PLPP4: variants seen among roughly 807,000 people sequenced by gnomAD.
The protein encoded by PLPP4 is diacylglycerol pyrophosphate like 2.
A neutral mutation model predicts 32.2 loss-of-function variants in PLPP4; 20 were observed. The ratio of observed to expected loss-of-function variants is 0.62; its 90% CI spans 0.44 to 0.90. The LOEUF (loss-of-function observed/expected upper bound fraction) is 0.90. PLPP4 is among the 40% of genes least tolerant of loss of function. The pLI, the probability that PLPP4 is intolerant of heterozygous loss-of-function variation, is 0.00. For missense variants in PLPP4, 257 were observed against 353.1 expected (o/e 0.73, Z 2.18); for synonymous variants, 127 against 133.0 (o/e 0.95, Z 0.31).
chr10:120,572,857 T>C lies in PLPP4; in HGVS notation c.446-2274T>C, dbSNP rs181791885. On this transcript the variant is annotated intron_variant, in intron 5 of 6. Transcript: ENST00000398250. ...ACGTTGGTGGCCAGATAGGGCCACT[T>C]TGGAACATCATGTAAACCACTTAAT... Among the ~76,000 whole-genome samples, 56 of 152,342 alleles carry C rather than the reference T, an allele frequency of 3.7e-4. 1 individual carries two copies. The South Asian group carries it at 4.6e-3, about 12-fold the overall frequency.
chr10:120,540,016 G>A (rs1160235432), intron 5 of PLPP4, among the ~76,000 whole-genome samples: 1 of 145,800 alleles, frequency 6.9e-6, no homozygotes, highest in African/African-American at 2.5e-5. Flanking sequence ...AAAAAAAAAG[G>A]CTCAATTTTT....
In PLPP4 at chr10:120,497,469, T is replaced by C. The variant is rs182826906; in HGVS notation, c.57-6349T>C. On this transcript the variant is annotated intron_variant, in intron 1 of 6. Transcript: ENST00000398250. ...TGTTTATGTGTGTGGGGTGTGTGTG[T>C]GCATTTTGTGTGTATGTATATATAA... Among the ~76,000 whole-genome samples the C allele has an allele frequency of 1.2e-3, 184 of 152,296 alleles. 1 individual carries two copies. Among genetic ancestry groups the C allele is most frequent in the African/African-American group, 4.3e-3 (178 of 41,556 alleles).
chr10:120,544,009 CA>C (rs1220385279), intron 5 of PLPP4, among the ~76,000 whole-genome samples: 1 of 152,178 alleles, frequency 6.6e-6, no homozygotes, highest in Non-Finnish European at 1.5e-5. Flanking sequence ...TTTGTCCATT[CA>C]TCCAGCAGTG....
At chr10:120,562,988 C>G (rs1225116978) in intron 5 of PLPP4, among the ~76,000 whole-genome samples, 1 of 152,154 alleles carries the variant, frequency 6.6e-6, no homozygotes, top group Non-Finnish European at 1.5e-5. Flanking sequence ...GCCTGTAATC[C>G]TAGCAGTTTG....
intron 6 of PLPP4, among the ~76,000 whole-genome samples, chr10:120,575,996 G>A (rs949358341): frequency 6.6e-6 from 1 of 152,206 alleles, no homozygotes; most frequent in African/African-American, 2.4e-5. Flanking sequence ...CATGGGAGGT[G>A]TGGCCTCCAG....
At chr10:120,514,083 C>A in intron 3 of PLPP4, 82 bp downstream of exon 3, 7 of 1,060,044 alleles carry the variant, frequency 6.6e-6, no homozygotes, top group Non-Finnish European at 1.0e-5. Flanking sequence ...CAGTTACACC[C>A]AACTGATTTT....
intron 1 of PLPP4, among the ~76,000 whole-genome samples, chr10:120,485,974 C>G (rs1326729711): frequency 6.6e-6 from 1 of 152,180 alleles, no homozygotes; most frequent in African/African-American, 2.4e-5. Context: ...TTGGTCTGCT[C>G]TGGTCTCAAG....
intron 6 of PLPP4, chr10:120,581,130 C>A (rs572198218): frequency 5.6e-5 from 68 of 1,217,736 alleles, no homozygotes; most frequent in Non-Finnish European, 6.8e-5. Flanking sequence ...AGGACTTCTG[C>A]CCTCTTCCTG....
intron 1 of PLPP4, among the ~76,000 whole-genome samples, chr10:120,473,964 T>C (rs1363364481): frequency 6.6e-6 from 1 of 152,224 alleles, no homozygotes; most frequent in Admixed American, 6.5e-5. Context: ...CGAACTGATA[T>C]AGAGGCTAAC....
intron 2 of PLPP4, among the ~76,000 whole-genome samples, chr10:120,509,865 A>G (rs564713193): frequency 2.6e-4 from 40 of 152,290 alleles, no homozygotes; most frequent in African/African-American, 7.2e-4. Flanking sequence ...TTCTTTTTTA[A>G]CTTGGAAAAA....
At chr10:120,536,785 A>G (rs1449404072) in intron 5 of PLPP4, among the ~76,000 whole-genome samples, 1 of 152,120 alleles carries the variant, frequency 6.6e-6, no homozygotes, top group African/African-American at 2.4e-5. Flanking sequence ...GGGAGGCAAT[A>G]CTTGCAAACT....
At chr10:120,510,344 C>A (rs2133883009) in intron 2 of PLPP4, among the ~76,000 whole-genome samples, 1 of 152,246 alleles carries the variant, frequency 6.6e-6, no homozygotes, top group African/African-American at 2.4e-5. Flanking sequence ...CCCCATCTTC[C>A]TACCCTGGGC....
intron 6 of PLPP4, among the ~76,000 whole-genome samples, chr10:120,583,175 G>A (rs763427073): frequency 4.0e-4 from 61 of 151,844 alleles, no homozygotes; most frequent in Non-Finnish European, 7.5e-4. Flanking sequence ...GGTGACAGAA[G>A]GGATGATCTT....
chr10:120,591,949 T>G lies in PLPP4; in HGVS notation c.*2447T>G, dbSNP rs188462954. ...TCCTCAGGAGCCATAATGAACAGTG[T>G]AAGCCAGTTCACAAAAGGCAGGCAT... On this transcript the variant is annotated 3_prime_UTR_variant, in exon 7 of 7. Transcript: ENST00000398250. 3.9e-4 allele frequency among the ~76,000 whole-genome samples: 59 copies of G among 152,306 alleles called. No individual in the cohort carries two copies. The highest frequency in any genetic ancestry group is 9.1e-4 in the African/African-American group (38 of 41,564).
At chr10:120,581,524 A>G (rs562574197) in intron 6 of PLPP4, among the ~76,000 whole-genome samples, 220 of 152,278 alleles carry the variant, frequency 1.4e-3, no homozygotes, top group Middle Eastern at 6.8e-3. Flanking sequence ...GCCATGGTCC[A>G]TAAGATCTGC....
intron 1 of PLPP4, among the ~76,000 whole-genome samples, chr10:120,487,156 A>T (rs1311644428): frequency 6.6e-6 from 1 of 152,252 alleles, no homozygotes; most frequent in Non-Finnish European, 1.5e-5. Flanking sequence ...TTAAGACCTT[A>T]CAATCACAAC....
In PLPP4 at chr10:120,548,708, A is replaced by C. The variant is rs113612525; in HGVS notation, c.446-26423A>C. 8.4e-3 allele frequency among the ~76,000 whole-genome samples: 1,275 copies of C among 152,094 alleles called. 23 individuals are homozygous for C. Among genetic ancestry groups the C allele is most frequent in the African/African-American group, 0.029 (1,223 of 41,516 alleles). On this transcript the variant is annotated intron_variant, in intron 5 of 6. Transcript: ENST00000398250. ...ATATTCCCACTAGCAGTGTATAAGC[A>C]TTCTGTTTCCACAACCTCGCCAACA...
intron 6 of PLPP4, among the ~76,000 whole-genome samples, chr10:120,582,229 G>A (rs1849543850): frequency 6.6e-6 from 1 of 152,198 alleles, no homozygotes; most frequent in African/African-American, 2.4e-5. Flanking sequence ...AAATCAAAGT[G>A]TTGGCAAAGC....
intron 6 of PLPP4, among the ~76,000 whole-genome samples, chr10:120,581,573 G>T (rs899148611): frequency 9.2e-5 from 14 of 152,176 alleles, no homozygotes; most frequent in Admixed American, 4.6e-4. Context: ...CAAGCTACTT[G>T]TCCTCCTCGT....
Sources: allele counts gnomAD v4.1 joint callset (sites outside exome capture counted in the v4.1 genomes callset), GRCh38; gene constraint gnomAD v4.1.1; transcripts MANE v1.5; gene names NCBI Gene and HGNC (gene_info 2026-07-23, HGNC 2026-07-21).